The following IQSEC1 variants were observed in gnomAD, a reference collection of about 807,000 sequenced individuals.
The protein encoded by IQSEC1 is IQ motif and SEC7 domain-containing protein 1.
In IQSEC1, 31 loss-of-function variants were observed where a neutral mutation model predicts 91.0. The ratio of observed to expected loss-of-function variants is 0.34; its 90% confidence interval spans 0.26 to 0.46. IQSEC1 has a LOEUF of 0.46. Ranked by LOEUF, IQSEC1 falls within the 20% of genes least tolerant of loss-of-function variation. The pLI is 1.00. For missense variants in IQSEC1, 1,388 were observed against 1,575.6 expected (o/e 0.88, Z 2.02); for synonymous variants, 699 against 662.6 (o/e 1.05, Z -0.84).
intron 1 of IQSEC1, among the ~76,000 whole-genome samples, chr3:13,014,283 CCA>C (rs1703016496): frequency 6.6e-6 from 1 of 152,196 alleles, no homozygotes; most frequent in Non-Finnish European, 1.5e-5. Flanking sequence ...GGGAGATTCC[CCA>C]CAGAGGCCTG....
intron 1 of IQSEC1, among the ~76,000 whole-genome samples, chr3:13,069,036 A>C (rs417123): frequency 0.41 from 62,403 of 152,156 alleles, 13,385 homozygotes; most frequent in East Asian, 0.52. Context: ...CCTTGGCTGC[A>C]TATCCCAGTC....
At chr3:12,987,944 G>C (rs1701820756) in intron 1 of IQSEC1, among the ~76,000 whole-genome samples, 1 of 152,224 alleles carries the variant, frequency 6.6e-6, no homozygotes, top group Admixed American at 6.5e-5. Flanking sequence ...GTGTGGGGTT[G>C]GGGCAAGGCT....
chr3:12,933,178 G>C (rs1030894917), intron 3 of IQSEC1, among the ~76,000 whole-genome samples: 1 of 152,208 alleles, frequency 6.6e-6, no homozygotes, highest in African/African-American at 2.4e-5. Flanking sequence ...GCCAAAGAAA[G>C]GGAAGGGAAA....
At chr3:12,904,595 C>T (rs1044619828) in intron 12 of IQSEC1, among the ~76,000 whole-genome samples, 1 of 152,220 alleles carries the variant, frequency 6.6e-6, no homozygotes, top group African/African-American at 2.4e-5. Flanking sequence ...CTCCCTCCTC[C>T]ACCCCCCTCT....
chr3:13,101,165 A>G (rs1301492697), intron 2 of IQSEC1, among the ~76,000 whole-genome samples: 1 of 152,192 alleles, frequency 6.6e-6, no homozygotes, highest in Non-Finnish European at 1.5e-5. Flanking sequence ...TGACAGTGAC[A>G]CGATGCGACT....
chr3:12,911,201 G>C (rs923385623), intron 10 of IQSEC1, among the ~76,000 whole-genome samples: 2 of 152,238 alleles, frequency 1.3e-5, no homozygotes, highest in Non-Finnish European at 2.9e-5. Flanking sequence ...CAGCAGTTGA[G>C]CCAGAGCTGG....
intron 1 of IQSEC1, among the ~76,000 whole-genome samples, chr3:12,957,933 C>T (rs1700016321): frequency 6.6e-6 from 1 of 152,214 alleles, no homozygotes; most frequent in African/African-American, 2.4e-5. Flanking sequence ...TAAACAGCAA[C>T]CTTTTGAAGC....
intron 1 of IQSEC1, among the ~76,000 whole-genome samples, chr3:13,069,906 T>A (rs895195208): frequency 2.0e-5 from 3 of 152,212 alleles, no homozygotes; most frequent in African/African-American, 4.8e-5. Flanking sequence ...CTCCTGATGT[T>A]CCCCCATTGG....
Position 12,900,859 on chromosome 3 carries a change from G to C in IQSEC1, c.*124C>G, listed in dbSNP as rs765727699. 85 of 1,529,770 alleles carry C rather than the reference G, an allele frequency of 5.6e-5. No individual in the cohort carries two copies. The highest frequency in any genetic ancestry group is 7.3e-5 in the Non-Finnish European group (83 of 1,143,828). 94.8% of individuals were successfully genotyped at this position (1,529,770 alleles called of 1,614,324 possible). A position where few individuals can be genotyped will look rare whatever the true frequency, so the allele number is the denominator to read the frequency against. ...GCTCCTGGGGCTCCGGTTGGGCCGT[G>C]AGGGGCAGAGGGGAGAGATGGCAAC... On this transcript the variant is annotated 3_prime_UTR_variant, in exon 14 of 14. Coordinates refer to ENST00000613206, the MANE Select transcript of IQSEC1 (RefSeq NM_001134382.3).
At chr3:13,141,839 C>T (rs1706803791) in intron 2 of IQSEC1, among the ~76,000 whole-genome samples, 1 of 152,148 alleles carries the variant, frequency 6.6e-6, no homozygotes, top group South Asian at 2.1e-4. Context: ...CTCCATGGAA[C>T]CGTCACTTCA....
rs147480504 is a variant in IQSEC1, at chr3:13,132,571, C to G, written c.302+31533G>C. Among the ~76,000 whole-genome samples, 83 of 152,326 alleles carry G rather than the reference C, an allele frequency of 5.4e-4. 1 individual carries two copies. The highest frequency in any genetic ancestry group is 1.8e-3 in the African/African-American group (76 of 41,580). ...GACTTTGAGCAGCAGCTCCTCAACTCAGAGTTCTCTGGGCCTTGCCTGGCT... is the reference window on the plus strand; with the variant it reads ...GACTTTGAGCAGCAGCTCCTCAACTGAGAGTTCTCTGGGCCTTGCCTGGCT... On this transcript the variant is annotated intron_variant, in intron 2 of 15. Transcript: ENST00000648114.
rs1576072071 is a variant in IQSEC1, at chr3:12,967,543, G to A, written c.24-25678C>T. ...CCGCCAGCGAGCCGCCGGATCCCGG[G>A]GCCGACACCCGGCCACCCGGAGACC... On this transcript the variant is annotated intron_variant, in intron 1 of 13. Coordinates refer to ENST00000613206, the MANE Select transcript of IQSEC1 (RefSeq NM_001134382.3). The surrounding 1 kb of genome is among the most constrained non-coding windows in gnomAD (Gnocchi z 5.9). 3.3e-5 allele frequency: 46 copies of A among 1,374,098 alleles called. No homozygotes were observed. The highest frequency in any genetic ancestry group is 4.2e-5 in the Non-Finnish European group (45 of 1,072,718). The allele number at this position is 1,374,098 out of a possible 1,614,324, so 85.1% of individuals were successfully genotyped here.
Position 12,900,534 on chromosome 3 carries a change from A to T in IQSEC1, c.*449T>A. ...TTCATCAACCATATCAGGTCTACTT[A>T]TTTTTTTGCCCATTGTCAATAAAAG... On this transcript the variant is annotated 3_prime_UTR_variant, in exon 14 of 14. Transcript: ENST00000613206. 2.1e-6 allele frequency: 2 copies of T among 966,880 alleles called. No homozygotes were observed. Among genetic ancestry groups the T allele is most frequent in the Non-Finnish European group, 2.5e-6 (2 of 812,732 alleles). The allele number at this position is 966,880 out of a possible 1,614,324, so 59.9% of individuals were successfully genotyped here.
chr3:13,242,649 G>T (rs1178062435), intron 1 of IQSEC1, among the ~76,000 whole-genome samples: 1 of 152,190 alleles, frequency 6.6e-6, no homozygotes, highest in Admixed American at 6.5e-5. Context: ...ACATGGGCCT[G>T]GTGACTCTGG....
intron 2 of IQSEC1, among the ~76,000 whole-genome samples, chr3:13,102,404 C>T (rs770757296): frequency 1.5e-4 from 23 of 152,060 alleles, no homozygotes; most frequent in African/African-American, 5.1e-4. Context: ...TTGGGGCTGC[C>T]GGGGTTGGTG....
At chr3:13,081,480 G>T (rs1268593139) in intron 2 of IQSEC1, among the ~76,000 whole-genome samples, 3 of 151,678 alleles carry the variant, frequency 2.0e-5, no homozygotes, top group Non-Finnish European at 4.4e-5. Flanking sequence ...TGGCACCTGG[G>T]CTGGTCTCAA....
intron 3 of IQSEC1, among the ~76,000 whole-genome samples, chr3:12,932,134 T>G (rs1697731573): frequency 6.6e-6 from 1 of 152,172 alleles, no homozygotes; most frequent in Non-Finnish European, 1.5e-5. Context: ...CATGTACCCC[T>G]GACGGTGTGT....
chr3:13,128,849 C>G (rs909453517), intron 2 of IQSEC1, among the ~76,000 whole-genome samples: 1 of 145,290 alleles, frequency 6.9e-6, no homozygotes, highest in Non-Finnish European at 1.5e-5. Flanking sequence ...TGCACTCCAG[C>G]CCGGGTGACA....
At chr3:13,102,410 T>C (rs1054970355) in intron 2 of IQSEC1, among the ~76,000 whole-genome samples, 4 of 151,932 alleles carry the variant, frequency 2.6e-5, no homozygotes, top group Non-Finnish European at 4.4e-5. Flanking sequence ...CTGCCGGGGT[T>C]GGTGTTGGTG....
Sources: allele counts gnomAD v4.1 joint callset (sites outside exome capture counted in the v4.1 genomes callset), GRCh38; gene constraint gnomAD v4.1.1; non-coding constraint Gnocchi (gnomAD v3.1); transcripts MANE v1.5; gene names NCBI Gene and HGNC (gene_info 2026-07-23, HGNC 2026-07-21).